TMEM164: variants seen among roughly 807,000 people sequenced by gnomAD.
TMEM164 encodes transmembrane protein 164.
In TMEM164, 4 loss-of-function variants were observed where a neutral mutation model predicts 18.8. The observed-to-expected ratio is 0.21, with a 90% CI of 0.10 to 0.49. The LOEUF is 0.49. Ranked by LOEUF, TMEM164 falls within the 20% of genes least tolerant of loss-of-function variation. TMEM164 has a pLI of 0.98. For missense variants in TMEM164, 108 were observed against 239.9 expected (o/e 0.45, Z 3.63); for synonymous variants, 86 against 101.7 (o/e 0.85, Z 0.93).
chrX:110,040,784 T>C (rs941977485), intron 2 of TMEM164, among the ~76,000 whole-genome samples: 1 of 111,412 alleles, frequency 9.0e-6, no homozygotes, highest in Non-Finnish European at 1.9e-5. Flanking sequence ...AACCATGTCA[T>C]GTTGCCTCTG....
chrX:110,152,041 TTTTTC>T (rs2066947021), intron 5 of TMEM164, among the ~76,000 whole-genome samples: 3 of 105,990 alleles, frequency 2.8e-5, no homozygotes, highest in African/African-American at 3.7e-5. Flanking sequence ...TCTTCTTTTT[TTTTTC>T]TTTTCTTTTC....
At chrX:110,166,781 A>C (rs2067163894) in intron 5 of TMEM164, among the ~76,000 whole-genome samples, 1 of 112,178 alleles carries the variant, frequency 8.9e-6, no homozygotes. Context: ...TAAAGGAGAA[A>C]AAGGTTTTGT....
intron 5 of TMEM164, among the ~76,000 whole-genome samples, chrX:110,162,417 G>T (rs753089871): frequency 8.9e-6 from 1 of 112,361 alleles, no homozygotes; most frequent in African/African-American, 3.2e-5. Context: ...TGGGTGGCCA[G>T]TCAGCCCCAA....
intron 5 of TMEM164, among the ~76,000 whole-genome samples, chrX:110,167,647 G>A (rs1029406042): frequency 1.6e-4 from 18 of 111,512 alleles, no homozygotes; most frequent in Non-Finnish European, 3.2e-4. Flanking sequence ...GGTCCGCAAA[G>A]TAGTATTTTT....
chrX:110,129,882 C>A (rs1253537297), intron 4 of TMEM164, among the ~76,000 whole-genome samples: 2 of 112,482 alleles, frequency 1.8e-5, no homozygotes, highest in African/African-American at 6.5e-5. Flanking sequence ...AGAACATTGG[C>A]AGTAGTGGCC....
At chrX:110,060,739 C>A (rs748653828) in intron 2 of TMEM164, among the ~76,000 whole-genome samples, 2 of 111,621 alleles carry the variant, frequency 1.8e-5, no homozygotes, top group South Asian at 7.6e-4. Flanking sequence ...CTTTGCCTTT[C>A]ACAACCTTGA....
At position 110,017,442 on chromosome X, in the gene TMEM164, CTT is replaced by C. The variant is rs766409876; in HGVS notation, c.390+13280_390+13281del. On this transcript the variant is annotated intron_variant, in intron 2 of 6. Transcript: ENST00000372068. ...TCTTTCTTTCTTTCTTTCTTTCTTT[CTT>C]TCTCTCTCTCTCTCTCTCTTTCTTT... 2.1e-3 allele frequency among the ~76,000 whole-genome samples: 112 copies of C among 54,496 alleles called. 1 individual carries two copies. The highest frequency in any genetic ancestry group is 9.2e-3 in the African/African-American group (105 of 11,370). The allele number at this position is 54,496 out of a possible 115,157, so 47.3% of individuals were successfully genotyped here.
At chrX:110,026,976 G>T (rs1934223833) in intron 2 of TMEM164, among the ~76,000 whole-genome samples, 1 of 111,309 alleles carries the variant, frequency 9.0e-6, no homozygotes, top group African/African-American at 3.3e-5. Context: ...TACATAATCT[G>T]CAAATAATGA....
At chrX:110,154,360 C>G (rs1010462763) in intron 5 of TMEM164, among the ~76,000 whole-genome samples, 15 of 111,555 alleles carry the variant, frequency 1.3e-4, no homozygotes, top group African/African-American at 4.9e-4. Context: ...TTACACTTCC[C>G]CAGACTGCCC....
intron 2 of TMEM164, among the ~76,000 whole-genome samples, chrX:110,020,909 T>C (rs1432629913): frequency 1.0e-5 from 1 of 100,370 alleles, no homozygotes; most frequent in Non-Finnish European, 2.0e-5. Flanking sequence ...TTGTTCACAA[T>C]GTATTGCTAA....
intron 2 of TMEM164, chrX:110,065,481 C>T (rs770734660): frequency 9.0e-6 from 1 of 111,019 alleles, no homozygotes; most frequent in African/African-American, 3.3e-5. Flanking sequence ...GGGCCTGATG[C>T]TGGGTAACTA....
chrX:110,021,611 G>A (rs943034917), intron 2 of TMEM164, among the ~76,000 whole-genome samples: 1 of 111,619 alleles, frequency 9.0e-6, no homozygotes, highest in African/African-American at 3.3e-5. Context: ...GGAAACATCA[G>A]TGTGAAGCGG....
At chrX:110,123,815 AAAAAT>A (rs1364580973) in intron 4 of TMEM164, among the ~76,000 whole-genome samples, 60 of 111,676 alleles carry the variant, frequency 5.4e-4, no homozygotes, top group Middle Eastern at 4.7e-3. Flanking sequence ...TGTCTGTACA[AAAAAT>A]AAAATAATTA....
At chrX:110,151,296 G>C (rs2066934998) in intron 5 of TMEM164, among the ~76,000 whole-genome samples, 1 of 110,796 alleles carries the variant, frequency 9.0e-6, no homozygotes, top group Admixed American at 9.6e-5. Context: ...TATTTTTGTT[G>C]GATATTTCCA....
chrX:110,035,776 AT>A (rs386417395), intron 2 of TMEM164, among the ~76,000 whole-genome samples: 169 of 93,988 alleles, frequency 1.8e-3, no homozygotes, highest in Admixed American at 3.1e-3. Flanking sequence ...ATGTGCTCCT[AT>A]TTTTTTTTTT....
chrX:110,031,935 T>C (rs1477139535), intron 2 of TMEM164, among the ~76,000 whole-genome samples: 1 of 110,194 alleles, frequency 9.1e-6, no homozygotes, highest in East Asian at 2.8e-4. Flanking sequence ...GTTTGTTACA[T>C]ATATAAAGAC....
At chrX:110,140,692 A>T (rs2066757145) in intron 4 of TMEM164, among the ~76,000 whole-genome samples, 1 of 112,199 alleles carries the variant, frequency 8.9e-6, no homozygotes, top group Non-Finnish European at 1.9e-5. Flanking sequence ...GTAGTTAATG[A>T]CCTGTGTTGC....
chrX:110,118,613 G>T (rs928141415), intron 4 of TMEM164, among the ~76,000 whole-genome samples: 1 of 111,086 alleles, frequency 9.0e-6, no homozygotes, highest in Non-Finnish European at 1.9e-5. Context: ...GTGGATTATC[G>T]CTGGACACCA....
intron 2 of TMEM164, chrX:110,020,403 A>G (rs1005241471): frequency 2.7e-6 from 2 of 752,793 alleles, no homozygotes; most frequent in Non-Finnish European, 3.1e-6. Flanking sequence ...AGATGTGGTG[A>G]AGGCTAGAAA....
Sources: gnomAD v4.1 joint callset for allele counts (sites outside exome capture counted in the v4.1 genomes callset) on GRCh38, gnomAD v4.1.1 for gene constraint, MANE v1.5 for transcripts, NCBI Gene and HGNC (gene_info 2026-07-23, HGNC 2026-07-21) for gene names.